Variants in MARK1 observed in about 807,000 individuals in gnomAD.
MARK1 encodes microtubule affinity regulating kinase 1, also known as serine/threonine-protein kinase MARK1.
MARK1 carries 40 observed loss-of-function variants against 96.3 expected under a neutral mutation model. That is an observed-to-expected ratio of 0.42 (90% CI 0.32 to 0.54). The LOEUF (loss-of-function observed/expected upper bound fraction) is 0.54. Ranked by LOEUF, MARK1 falls within the 20% of genes least tolerant of loss-of-function variation. MARK1 has a pLI of 0.16. For synonymous variants in MARK1, 317 were observed against 341.2 expected, an observed-to-expected ratio of 0.93 and a Z score of 0.78; for missense variants, 719 against 984.6, an observed-to-expected ratio of 0.73 and a Z score of 3.61.
At chr1:220,649,638 T>A (rs2103049051) in intron 13 of MARK1, among the ~76,000 whole-genome samples, 1 of 152,332 alleles carries the variant, frequency 6.6e-6, no homozygotes, top group Middle Eastern at 3.4e-3. Context: ...CAAAATTCCT[T>A]CCATCTAGGA....
intron 1 of MARK1, among the ~76,000 whole-genome samples, chr1:220,578,671 T>A (rs74139778): frequency 0.011 from 1,722 of 152,216 alleles, 25 homozygotes; most frequent in African/African-American, 0.04. Context: ...ACCCATGAGG[T>A]TGTCTTGGCA....
intron 1 of MARK1, among the ~76,000 whole-genome samples, chr1:220,536,774 T>A (rs1257142357): frequency 6.6e-6 from 1 of 152,120 alleles, no homozygotes; most frequent in Non-Finnish European, 1.5e-5. Context: ...TAGAAACAGG[T>A]TTCGCCATGT....
chr1:220,586,007 A>ACGCG (rs774098418), intron 3 of MARK1, among the ~76,000 whole-genome samples: 9 of 61,716 alleles, frequency 1.5e-4, no homozygotes, highest in African/African-American at 2.1e-4. Flanking sequence ...ACACACACAC[A>ACGCG]CACACGCGCG....
chr1:220,551,702 GA>G (rs983876164), intron 1 of MARK1, among the ~76,000 whole-genome samples: 3 of 151,146 alleles, frequency 2.0e-5, no homozygotes, highest in South Asian at 2.1e-4. Context: ...GAATCAAAAA[GA>G]AAAAAAAGAA....
intron 3 of MARK1, among the ~76,000 whole-genome samples, chr1:220,586,804 T>C (rs923519712): frequency 1.6e-4 from 24 of 152,224 alleles, no homozygotes; most frequent in African/African-American, 5.8e-4. Context: ...CACAGTCTTA[T>C]TTTCTTATTT....
chr1:220,609,679 G>A (rs1394341299), intron 6 of MARK1, among the ~76,000 whole-genome samples: 1 of 152,180 alleles, frequency 6.6e-6, no homozygotes, highest in Non-Finnish European at 1.5e-5. Context: ...GCATGTTTTT[G>A]TAGTGGCTGG....
At chr1:220,587,498 A>C (rs1184991719) in intron 3 of MARK1, among the ~76,000 whole-genome samples, 2 of 151,932 alleles carry the variant, frequency 1.3e-5, no homozygotes, top group East Asian at 3.9e-4. Flanking sequence ...CCTCCCAAGT[A>C]GCTGGGATTA....
At chr1:220,599,939 C>A in intron 5 of MARK1, 76 bp downstream of exon 5, 1 of 861,934 alleles carries the variant, frequency 1.2e-6, no homozygotes, top group Non-Finnish European at 1.8e-6. Context: ...TTCATTATGA[C>A]ATTTATGTCT....
chr1:220,536,043 A>T (rs1660658994), intron 1 of MARK1, among the ~76,000 whole-genome samples: 1 of 152,084 alleles, frequency 6.6e-6, no homozygotes, highest in South Asian at 2.1e-4. Context: ...TCTGTAAAAA[A>T]TGCCATTAGG....
chr1:220,572,889 CT>C (rs1230782886), intron 1 of MARK1, among the ~76,000 whole-genome samples: 1 of 151,794 alleles, frequency 6.6e-6, no homozygotes, highest in Non-Finnish European at 1.5e-5. Context: ...TCTTTTTTGC[CT>C]TTTTTGAGGA....
chr1:220,620,289 A>G (rs555853846), intron 9 of MARK1, among the ~76,000 whole-genome samples: 2 of 152,182 alleles, frequency 1.3e-5, no homozygotes, highest in South Asian at 4.1e-4. Flanking sequence ...CTTATTTTGA[A>G]AGCTTTCCAT....
chr1:220,654,958 T>G lies in MARK1; in HGVS notation c.1988+1606T>G, dbSNP rs1669086466. ...TCTGATAAAGATTGCCATATAGTCTTTGAACACATATGTGGAGACCTACTA... is the reference window on the plus strand; with the variant it reads ...TCTGATAAAGATTGCCATATAGTCTGTGAACACATATGTGGAGACCTACTA... On this transcript the variant is annotated intron_variant, in intron 16 of 17. Transcript: ENST00000366917. The surrounding 1 kb of genome is among the most constrained non-coding windows in gnomAD (Gnocchi z 4.0). 6.6e-6 allele frequency among the ~76,000 whole-genome samples: 1 copy of G among 152,224 alleles called. No individual in the cohort carries two copies. Among genetic ancestry groups the G allele is most frequent in the African/African-American group, 2.4e-5 (1 of 41,450 alleles).
chr1:220,594,981 A>G (rs1364919629), intron 3 of MARK1, among the ~76,000 whole-genome samples: 3 of 152,212 alleles, frequency 2.0e-5, no homozygotes, highest in African/African-American at 7.2e-5. Flanking sequence ...TAGTAGCAAG[A>G]GTGAACAGTA....
At chr1:220,635,324 CTTT>C (rs71794752) in intron 11 of MARK1, 49 bp from the exon 12 acceptor site, 29,510 of 1,126,948 alleles carry the variant, frequency 0.026, no homozygotes, top group South Asian at 0.041. Context: ...TTTGTGCAAA[CTTT>C]TTTTTTTTTT....
At chr1:220,642,563 T>A (rs11118583) in intron 13 of MARK1, among the ~76,000 whole-genome samples, 9,447 of 151,878 alleles carry the variant, frequency 0.062, 1,036 homozygotes, top group African/African-American at 0.22. Context: ...CTCTGAAGAG[T>A]CTGGGCGTTC....
intron 1 of MARK1, among the ~76,000 whole-genome samples, chr1:220,549,820 T>G (rs1661741876): frequency 6.6e-6 from 1 of 152,256 alleles, no homozygotes; most frequent in Non-Finnish European, 1.5e-5. Context: ...TGTCTCCTTA[T>G]CTGTAAAACA....
At chr1:220,536,347 T>G (rs1042014796) in intron 1 of MARK1, among the ~76,000 whole-genome samples, 1 of 152,046 alleles carries the variant, frequency 6.6e-6, no homozygotes, top group African/African-American at 2.4e-5. Flanking sequence ...GTTCTTGGTC[T>G]TAAAGGGAAA....
chr1:220,653,672 G>A (rs1669017044), intron 16 of MARK1, among the ~76,000 whole-genome samples: 1 of 152,082 alleles, frequency 6.6e-6, no homozygotes, highest in Non-Finnish European at 1.5e-5. Context: ...GAAAAGAAAT[G>A]AGTTTACATG....
At chr1:220,541,570 T>G (rs1229028322) in intron 1 of MARK1, among the ~76,000 whole-genome samples, 1 of 152,196 alleles carries the variant, frequency 6.6e-6, no homozygotes, top group Non-Finnish European at 1.5e-5. Flanking sequence ...TTCTGTCATG[T>G]TTGCTTCTGT....
Sources: allele counts gnomAD v4.1 joint callset (sites outside exome capture counted in the v4.1 genomes callset), GRCh38; gene constraint gnomAD v4.1.1; non-coding constraint Gnocchi (gnomAD v3.1); transcripts MANE v1.5; gene names NCBI Gene and HGNC (gene_info 2026-07-23, HGNC 2026-07-21).